The following SMARCD1 variants were observed in gnomAD, a reference collection of about 807,000 sequenced individuals.
SMARCD1 encodes the protein SWI/SNF-related matrix-associated actin-dependent regulator of chromatin subfamily D member 1.
In SMARCD1, 16 loss-of-function variants were observed where a neutral mutation model predicts 70.8. The ratio of observed to expected loss-of-function variants is 0.23; its 90% confidence interval spans 0.15 to 0.34. The LOEUF is 0.34. SMARCD1 is among the 10% of genes least tolerant of loss of function. SMARCD1 has a pLI of 1.00. For synonymous variants in SMARCD1, 249 were observed against 246.0 expected (o/e 1.01, Z -0.11); for missense variants, 409 against 655.5 (o/e 0.62, Z 4.11).
chr12:50,085,386 G>A lies in SMARCD1; in HGVS notation c.17G>A (p.Gly6Asp). 2 of 1,264,886 alleles carry A rather than the reference G, an allele frequency of 1.6e-6. No individual in the cohort carries two copies. The highest frequency in any genetic ancestry group is 2.0e-6 in the Non-Finnish European group (2 of 1,007,368). The allele number at this position is 1,264,886 out of a possible 1,614,324, so 78.4% of individuals were successfully genotyped here. The change falls in exon 1 of 13, where the codon GGT becomes GAT. Residue 6 changes from glycine (G) to aspartate (D), a missense_variant. Transcript: ENST00000394963. ...TCCGGGAAGATGGCGGCCCGGGCGGGTTTCCAGTCTGTGGCTCCAAGCGGC... is the reference window on the plus strand; with the variant it reads ...TCCGGGAAGATGGCGGCCCGGGCGGATTTCCAGTCTGTGGCTCCAAGCGGC... MAARA[G>D]FQSVAPSGGA... is the part of the protein sequence containing the mutation.
intron 9 of SMARCD1, 127 bp downstream of exon 9, chr12:50,090,717 C>A (rs562168645): frequency 1.3e-5 from 7 of 553,216 alleles, no homozygotes; most frequent in South Asian, 1.2e-4. Flanking sequence ...CTGTTACTTA[C>A]AATTAAATTA....
chr12:50,086,380 G>A (rs1362702305), intron 2 of SMARCD1, 32 bp downstream of exon 2: 3 of 738,336 alleles, frequency 4.1e-6, no homozygotes, highest in East Asian at 2.8e-5. Context: ...GGGAGGGAGG[G>A]AGGGAGCCTG....
chr12:50,094,675 G>A, intron 10 of SMARCD1, 103 bp downstream of exon 10: 1 of 1,116,296 alleles, frequency 9.0e-7, no homozygotes, highest in Admixed American at 2.1e-5. Context: ...GTGACACCCA[G>A]TATATGTCAG....
chr12:50,087,586 C>G, intron 5 of SMARCD1, 101 bp downstream of exon 5: 1 of 1,378,766 alleles, frequency 7.3e-7, no homozygotes, highest in Non-Finnish European at 1.0e-6. Context: ...CTCACAGCTC[C>G]TTTTGGGAGC....
Position 50,090,311 on chromosome 12 carries a change from T to C in SMARCD1, c.944T>C (p.Ile315Thr). 6.2e-7 allele frequency: 1 copy of C among 1,614,150 alleles called. No individual in the cohort carries two copies. ...LGIHTQTRPV[I>T]IQALWQYIKT... Reference sequence around the variant, plus strand: ...ATCCATACCCAGACTCGTCCAGTGATCATCCAAGCACTGTGGCAATATATT... The same window carrying C: ...ATCCATACCCAGACTCGTCCAGTGACCATCCAAGCACTGTGGCAATATATT... Residue 315 changes from isoleucine to threonine, a missense_variant, in exon 8 of 13, where the codon ATC (isoleucine) becomes ACC (threonine). By Grantham distance (89) the Ile-to-Thr change is moderately conservative. Coordinates refer to ENST00000394963, the MANE Select transcript of SMARCD1 (RefSeq NM_003076.5).
rs774943948 is a variant in SMARCD1 at position 50,086,256 on chromosome 12, G to T, written c.273G>T (p.Leu91=). 6.2e-7 allele frequency: 1 copy of T among 1,613,686 alleles called. No individual in the cohort carries two copies. Among genetic ancestry groups the T allele is most frequent in the Non-Finnish European group, 8.5e-7 (1 of 1,179,686 alleles). Residue 91 remains leucine, a synonymous_variant, in exon 2 of 13, where the codon CTG becomes CTT. Transcript: ENST00000394963. ...GGAACCCTTCAGTCCGACCTGGCCT[G>T]GCCCAGTCAGGGATGGATCAGTCCC... is the stretch of plus-strand genomic sequence containing the variant. ...YGGNPSVRPG[L]AQSGMDQSRK...
At chr12:50,088,249 GT>G in intron 5 of SMARCD1, 1 of 702,354 alleles carries the variant, frequency 1.4e-6, no homozygotes, top group Non-Finnish European at 2.6e-6. Flanking sequence ...ATGTGCAATG[GT>G]TTGCTTAACT....
chr12:50,090,090 C>A, intron 7 of SMARCD1, 105 bp downstream of exon 7: 2 of 1,309,116 alleles, frequency 1.5e-6, no homozygotes, highest in Non-Finnish European at 2.2e-6. Context: ...GCCACTTTGG[C>A]ACAGAGATAG....
chr12:50,092,276 C>T (rs1030334751), intron 9 of SMARCD1, among the ~76,000 whole-genome samples: 1 of 121,816 alleles, frequency 8.2e-6, no homozygotes, highest in Admixed American at 9.7e-5. Context: ...CAGAATCTCA[C>T]TCTGTTGCAC....
chr12:50,094,058 A>AT (rs1223525821), intron 9 of SMARCD1, among the ~76,000 whole-genome samples: 2 of 152,002 alleles, frequency 1.3e-5, no homozygotes, highest in African/African-American at 4.8e-5. Flanking sequence ...GCTGCCAAAT[A>AT]TTTTTTTTAA....
chr12:50,090,640 AT>A (rs1186077566), intron 9 of SMARCD1, 50 bp downstream of exon 9: 33 of 1,399,332 alleles, frequency 2.4e-5, no homozygotes, highest in Non-Finnish European at 3.2e-5. Context: ...CCTTGTGCCG[AT>A]TTGCACAAGC....
In SMARCD1 at chr12:50,090,489, A is replaced by G. The variant is rs375410048; in HGVS notation, c.1036-4A>G. ...TAACCTCGTGCTTCTCCCCTTTGCT[A>G]CAGATCTTTGAGTCTCAACGTATGA... On this transcript the variant is annotated splice_polypyrimidine_tract_variant and splice_region_variant and intron_variant, in intron 8 of 12. Coordinates refer to ENST00000394963, the MANE Select transcript of SMARCD1 (RefSeq NM_003076.5). 874 of 1,613,960 alleles carry G rather than the reference A, an allele frequency of 5.4e-4. 6 individuals carry two copies. The highest frequency in any genetic ancestry group is 5.4e-3 in the South Asian group (491 of 91,074).
intron 1 of SMARCD1, chr12:50,085,750 C>T: frequency 2.3e-6 from 1 of 437,146 alleles, no homozygotes; most frequent in East Asian, 3.6e-5. Context: ...CCTGGGGAGT[C>T]GGTAGAGAAC....
Position 50,085,445 on chromosome 12 carries a change from G to A in SMARCD1, c.76G>A (p.Ala26Thr), listed in dbSNP as rs1465716502. ...AGASGGAGAAAALGPGGTPGP... is the reference protein window; with the variant it reads ...AGASGGAGAATALGPGGTPGP... Reference sequence around the variant, plus strand: ...AGCCTCAGGAGGGGCGGGCGCGGCTGCTGCCTTGGGCCCGGGCGGAACTCC... The same window carrying A: ...AGCCTCAGGAGGGGCGGGCGCGGCTACTGCCTTGGGCCCGGGCGGAACTCC... The change falls in exon 1 of 13, where the codon GCT (alanine) becomes ACT (threonine). Residue 26 changes from alanine (A) to threonine (T), a missense_variant. Physicochemically the swap from Ala to Thr is moderately conservative, Grantham distance 58. Coordinates refer to ENST00000394963, the MANE Select transcript of SMARCD1 (RefSeq NM_003076.5). 1 of 1,239,764 alleles carries A rather than the reference G, an allele frequency of 8.1e-7. No individual in the cohort carries two copies. Among genetic ancestry groups the A allele is most frequent in the Non-Finnish European group, 1.0e-6 (1 of 992,874 alleles). The allele number at this position is 1,239,764 out of a possible 1,614,324, so 76.8% of individuals were successfully genotyped here.
rs1394848495 is a variant in SMARCD1, at chr12:50,100,086, T to G, written c.*1086T>G. ...ACTCCCCAGCCCCTGCCCTCAAAGC[T>G]TCAGACCCCTCAGGTAGCAGCAGGA... On this transcript the variant is annotated 3_prime_UTR_variant, in exon 13 of 13. Coordinates refer to ENST00000394963, the MANE Select transcript of SMARCD1 (RefSeq NM_003076.5). The G allele has an allele frequency of 6.5e-6, 1 of 152,760 alleles. No homozygotes were observed. Among genetic ancestry groups the G allele is most frequent in the Non-Finnish European group, 1.5e-5 (1 of 68,150 alleles). The allele number at this position is 152,760 out of a possible 1,614,324, so 9.5% of individuals were successfully genotyped here. A position where few individuals can be genotyped will look rare whatever the true frequency, so the allele number is the denominator to read the frequency against.
intron 11 of SMARCD1, among the ~76,000 whole-genome samples, chr12:50,097,529 G>T (rs1352025912): frequency 6.6e-6 from 1 of 151,754 alleles, no homozygotes; most frequent in Non-Finnish European, 1.5e-5. Context: ...TCCAGCCTGG[G>T]TGACAGAGCG....
rs1336964935 is a variant in SMARCD1, at chr12:50,086,673, G to C, written c.408+10G>C. 4 of 1,614,078 alleles carry C rather than the reference G, an allele frequency of 2.5e-6. No individual in the cohort carries two copies. Among genetic ancestry groups the C allele is most frequent in the African/African-American group, 1.3e-5 (1 of 75,040 alleles). ...AATTCTACCTCAAAGGGTGAGTCCA[G>C]GCTATATGTCTTCTGGAAAGTGTGG... is the stretch of plus-strand genomic sequence containing the variant. On this transcript the variant is annotated intron_variant, in intron 3 of 12. Coordinates refer to ENST00000394963, the MANE Select transcript of SMARCD1 (RefSeq NM_003076.5).
chr12:50,099,356 C>G lies in SMARCD1; in HGVS notation c.*356C>G. On this transcript the variant is annotated 3_prime_UTR_variant, in exon 13 of 13. Transcript: ENST00000394963. Reference sequence around the variant, plus strand: ...CTTCAAGGGGACCAGCTAACTGATCCTGCCCTTCAGAGACCCAGGAGTTGG... The same window carrying G: ...CTTCAAGGGGACCAGCTAACTGATCGTGCCCTTCAGAGACCCAGGAGTTGG... The G allele has an allele frequency of 2.1e-6, 1 of 473,150 alleles. No individual in the cohort carries two copies. The highest frequency in any genetic ancestry group is 3.7e-6 in the Non-Finnish European group (1 of 269,312). The allele number at this position is 473,150 out of a possible 1,614,324, so 29.3% of individuals were successfully genotyped here.
chr12:50,087,645 G>A (rs1950803529), intron 5 of SMARCD1, among the ~76,000 whole-genome samples, 160 bp downstream of exon 5: 1 of 152,192 alleles, frequency 6.6e-6, no homozygotes, highest in Non-Finnish European at 1.5e-5. Context: ...GTGGTCCTTT[G>A]TGTTTGCCCC....
Sources: allele counts gnomAD v4.1 joint callset (sites outside exome capture counted in the v4.1 genomes callset), GRCh38; gene constraint gnomAD v4.1.1; transcripts MANE v1.5; gene names NCBI Gene and HGNC (gene_info 2026-07-23, HGNC 2026-07-21).